AP2B1: variants seen among roughly 807,000 people sequenced by gnomAD.
AP2B1 encodes the protein adaptor related protein complex 2 subunit beta 1.
A neutral mutation model predicts 102.0 loss-of-function variants in AP2B1; 23 were observed. The ratio of observed to expected loss-of-function variants is 0.23; its 90% CI spans 0.16 to 0.32. The LOEUF (loss-of-function observed/expected upper bound fraction) is 0.32. Among genes scored for constraint, AP2B1 ranks in the 10% least tolerant of loss-of-function variants. The pLI, the probability that AP2B1 is intolerant of heterozygous loss-of-function variation, is 1.00. For missense variants in AP2B1, 541 were observed against 1,157.4 expected (o/e 0.47, Z 7.73); for synonymous variants, 381 against 421.2 (o/e 0.90, Z 1.17).
chr17:35,670,933 A>G (rs1232853366), intron 15 of AP2B1, 35 bp downstream of exon 15: 6 of 1,611,304 alleles, frequency 3.7e-6, no homozygotes, highest in Non-Finnish European at 5.1e-6. Flanking sequence ...CATGAGAAGC[A>G]CTGCCCCCTG....
chr17:35,622,274 T>C (rs1485467480), intron 5 of AP2B1, among the ~76,000 whole-genome samples: 1 of 152,250 alleles, frequency 6.6e-6, no homozygotes, highest in Non-Finnish European at 1.5e-5. Flanking sequence ...ATTTTTCATC[T>C]TAGCATCTTT....
intron 9 of AP2B1, among the ~76,000 whole-genome samples, chr17:35,635,760 G>C (rs1427874654): frequency 1.3e-5 from 2 of 152,072 alleles, no homozygotes; most frequent in Non-Finnish European, 2.9e-5. Context: ...ACAATGGCGC[G>C]ATCTCGGCTC....
At chr17:35,717,838 A>T (rs1598362713) in intron 21 of AP2B1, among the ~76,000 whole-genome samples, 1 of 152,188 alleles carries the variant, frequency 6.6e-6, no homozygotes, top group Non-Finnish European at 1.5e-5. Flanking sequence ...GCAAAATGGA[A>T]CACACCTTTG....
intron 18 of AP2B1, among the ~76,000 whole-genome samples, chr17:35,696,413 CTTT>C (rs71366474): frequency 7.6e-6 from 1 of 131,242 alleles, no homozygotes. Context: ...GGAATAAGTT[CTTT>C]TTTTTTTTTT....
rs1330992100 is a variant in AP2B1 at position 35,632,449 on chromosome 17, T to C, written c.1156-3892T>C. ...TGCACCCAGCCCTTGTTTTATAGTTTAAGGGTAATTTTAATCAACCGGGAA... is the reference window on the plus strand; with the variant it reads ...TGCACCCAGCCCTTGTTTTATAGTTCAAGGGTAATTTTAATCAACCGGGAA... On this transcript the variant is annotated intron_variant, in intron 9 of 21. Coordinates refer to ENST00000610402, the MANE Select transcript of AP2B1 (RefSeq NM_001030006.2). Among the ~76,000 whole-genome samples the C allele has an allele frequency of 2.0e-5, 3 of 152,122 alleles. No homozygotes were observed. In the East Asian group the frequency reaches 5.8e-4, roughly 29 times the overall value.
intron 16 of AP2B1, 85 bp from the exon 17 acceptor site, chr17:35,674,091 C>A: frequency 7.3e-7 from 1 of 1,367,386 alleles, no homozygotes; most frequent in Non-Finnish European, 1.0e-6. Flanking sequence ...AATTGTTAAT[C>A]TTAATTTGTT....
At chr17:35,634,157 A>C (rs1438551396) in intron 9 of AP2B1, among the ~76,000 whole-genome samples, 2 of 152,154 alleles carry the variant, frequency 1.3e-5, no homozygotes, top group Non-Finnish European at 2.9e-5. Context: ...AGGTCTGCAC[A>C]TTGCATTTGA....
chr17:35,598,107 A>T, intron 2 of AP2B1, 123 bp from the exon 3 acceptor site: 1 of 424,962 alleles, frequency 2.4e-6, no homozygotes, highest in Non-Finnish European at 4.2e-6. Flanking sequence ...TATATATTCT[A>T]TAATTTTAAA....
rs376791128 is a variant in AP2B1 at position 35,667,116 on chromosome 17, G to A, written c.1990-3741G>A. Among the ~76,000 whole-genome samples, 3 of 152,178 alleles carry A rather than the reference G, an allele frequency of 2.0e-5. No individual in the cohort carries two copies. The East Asian group carries it at 5.8e-4, about 29-fold the overall frequency. ...CCTCCTGTTTATCACTTGTAGATAG[G>A]AGAGGCCACTCACTGGGTAATTCGC... On this transcript the variant is annotated intron_variant, in intron 14 of 21. Coordinates refer to ENST00000610402, the MANE Select transcript of AP2B1 (RefSeq NM_001030006.2).
chr17:35,636,578 C>G, intron 10 of AP2B1, 122 bp downstream of exon 10: 1 of 600,934 alleles, frequency 1.7e-6, no homozygotes. Context: ...GATACTTTAT[C>G]AAAAATCGGA....
intron 14 of AP2B1, among the ~76,000 whole-genome samples, chr17:35,667,255 G>A (rs2075487734): frequency 6.6e-6 from 1 of 152,200 alleles, no homozygotes; most frequent in South Asian, 2.1e-4. Flanking sequence ...TCAGTTAAGA[G>A]GGAAGTTGCT....
chr17:35,722,543 T>C (rs1253263808), intron 21 of AP2B1, among the ~76,000 whole-genome samples: 2 of 152,226 alleles, frequency 1.3e-5, no homozygotes, highest in Non-Finnish European at 2.9e-5. Flanking sequence ...TTTAGGTTGT[T>C]AGTTTTTAGG....
In AP2B1 at chr17:35,598,220, T is replaced by A; in HGVS notation, c.38-10T>A. On this transcript the variant is annotated splice_polypyrimidine_tract_variant and intron_variant, in intron 2 of 21. Transcript: ENST00000610402. ...CTGGAACCTTACCAGTTTGCTCTCA[T>A]CTCTTGCAGGAGAAATATTTGAACT... 6.3e-7 allele frequency: 1 copy of A among 1,595,982 alleles called. No individual in the cohort carries two copies. The highest frequency in any genetic ancestry group is 8.6e-7 in the Non-Finnish European group (1 of 1,164,626).
chr17:35,722,931 C>T (rs226428), intron 21 of AP2B1, among the ~76,000 whole-genome samples: 76,302 of 151,908 alleles, frequency 0.5, 19,199 homozygotes, highest in Middle Eastern at 0.59. Flanking sequence ...ATATTGATGT[C>T]TAATTTGGTA....
chr17:35,615,990 G>C (rs1342395863), intron 5 of AP2B1, among the ~76,000 whole-genome samples: 1 of 152,120 alleles, frequency 6.6e-6, no homozygotes, highest in Non-Finnish European at 1.5e-5. Flanking sequence ...GTTGGTCTGA[G>C]TGTATTTCTG....
At chr17:35,660,067 C>G (rs1391801005) in intron 14 of AP2B1, 7 of 985,084 alleles carry the variant, frequency 7.1e-6, no homozygotes, top group African/African-American at 1.7e-5. Flanking sequence ...TTGAATGCAT[C>G]CTTGCCTTAC....
At chr17:35,620,508 A>T (rs1264888787) in intron 5 of AP2B1, among the ~76,000 whole-genome samples, 1 of 152,014 alleles carries the variant, frequency 6.6e-6, no homozygotes, top group Admixed American at 6.6e-5. Flanking sequence ...TTAAAGCGAA[A>T]CTTTCTCTAG....
At chr17:35,693,886 T>G (rs1302930323) in intron 18 of AP2B1, among the ~76,000 whole-genome samples, 1 of 152,220 alleles carries the variant, frequency 6.6e-6, no homozygotes, top group Middle Eastern at 3.2e-3. Context: ...TGTCCAGTCA[T>G]CTTGACAGTC....
intron 10 of AP2B1, among the ~76,000 whole-genome samples, chr17:35,637,187 C>T (rs2074630915): frequency 6.6e-6 from 1 of 152,102 alleles, no homozygotes; most frequent in South Asian, 2.1e-4. Flanking sequence ...ACTCATAGAG[C>T]TTCTGATTGT....
Sources: allele counts gnomAD v4.1 joint callset (sites outside exome capture counted in the v4.1 genomes callset), GRCh38; gene constraint gnomAD v4.1.1; transcripts MANE v1.5; gene names NCBI Gene and HGNC (gene_info 2026-07-23, HGNC 2026-07-21).